SPMIP2: variants seen among roughly 807,000 people sequenced by gnomAD.
The protein encoded by SPMIP2 is sperm microtubule inner protein 2.
At chr4:158,973,052 T>C in the SPMIP2 span, 1 of 1,389,964 alleles carries the variant, frequency 7.2e-7, no homozygotes. Context: ...CAGTATACTA[T>C]GAAAAGCATA....
chr4:158,982,000 C>T, the SPMIP2 span, among the ~76,000 whole-genome samples: 1 of 151,816 alleles, frequency 6.6e-6, no homozygotes, highest in Admixed American at 6.6e-5. Context: ...TGCAAAGACA[C>T]AAATAGGCTC....
the SPMIP2 span, among the ~76,000 whole-genome samples, chr4:158,929,568 C>A: frequency 6.6e-6 from 1 of 152,062 alleles, no homozygotes; most frequent in African/African-American, 2.4e-5. Context: ...TTTTGAGTTA[C>A]TTTCTTAGTG....
chr4:158,959,409 GTT>G, the SPMIP2 span, among the ~76,000 whole-genome samples: 1 of 149,444 alleles, frequency 6.7e-6, no homozygotes, highest in East Asian at 2.0e-4. Flanking sequence ...TATGGTACGT[GTT>G]TAATAAGTTA....
At chr4:158,905,411 G>T in the SPMIP2 span, 1 of 152,112 alleles carries the variant, frequency 6.6e-6, no homozygotes, top group Non-Finnish European at 1.5e-5. Context: ...GTTTCGGTTG[G>T]TAAGTTCTTC....
the SPMIP2 span, among the ~76,000 whole-genome samples, chr4:158,947,736 A>C: frequency 9.9e-5 from 15 of 152,218 alleles, no homozygotes; most frequent in Non-Finnish European, 1.5e-4. Context: ...CGAGAGATGG[A>C]AAAGACGAAA....
the SPMIP2 span, among the ~76,000 whole-genome samples, chr4:159,075,587 G>T: frequency 6.6e-6 from 1 of 152,124 alleles, no homozygotes; most frequent in Non-Finnish European, 1.5e-5. Flanking sequence ...TTTGAATCCT[G>T]TGTGATAATC....
chr4:159,028,634 G>A, the SPMIP2 span, among the ~76,000 whole-genome samples: 1 of 152,106 alleles, frequency 6.6e-6, no homozygotes, highest in African/African-American at 2.4e-5. Context: ...TTCAGCCCAA[G>A]TTTTAAACTT....
chr4:159,067,347 C>T, the SPMIP2 span, among the ~76,000 whole-genome samples: 15 of 152,102 alleles, frequency 9.9e-5, no homozygotes, highest in African/African-American at 2.2e-4. Flanking sequence ...TGGGTTCAAG[C>T]GATTCTGCCT....
At chr4:159,068,902 C>T in the SPMIP2 span, among the ~76,000 whole-genome samples, 1 of 152,088 alleles carries the variant, frequency 6.6e-6, no homozygotes, top group African/African-American at 2.4e-5. Context: ...AAAGTAGATC[C>T]TTTTGGGAGC....
chr4:158,911,484 A>G, the SPMIP2 span, among the ~76,000 whole-genome samples: 2 of 152,210 alleles, frequency 1.3e-5, no homozygotes, highest in Non-Finnish European at 2.9e-5. Context: ...TTCCAGCCAC[A>G]TTGAACCACA....
chr4:158,973,228 T>C, the SPMIP2 span: 1 of 1,613,838 alleles, frequency 6.2e-7, no homozygotes, highest in Non-Finnish European at 8.5e-7. Flanking sequence ...AGATCTCCAG[T>C]TTTTTCTAAC....
chr4:159,033,313 T>C, the SPMIP2 span, among the ~76,000 whole-genome samples: 2 of 151,764 alleles, frequency 1.3e-5, no homozygotes, highest in African/African-American at 4.8e-5. Flanking sequence ...GAGGGGGGAA[T>C]GAATAGGTGA....
chr4:158,897,102 C>G, the SPMIP2 span, among the ~76,000 whole-genome samples: 1 of 151,398 alleles, frequency 6.6e-6, no homozygotes, highest in Non-Finnish European at 1.5e-5. Flanking sequence ...GTTTGGTTTT[C>G]TGTTCCTGTG....
chr4:159,042,847 G>A, the SPMIP2 span, among the ~76,000 whole-genome samples: 2 of 152,144 alleles, frequency 1.3e-5, no homozygotes, highest in African/African-American at 4.8e-5. Context: ...ATTTTTAGTA[G>A]AGACAGAGTT....
the SPMIP2 span, among the ~76,000 whole-genome samples, chr4:159,045,874 T>A: frequency 3.3e-5 from 5 of 152,186 alleles, no homozygotes; most frequent in Admixed American, 2.6e-4. Flanking sequence ...TTCCAGGCTC[T>A]CTCACATGGT....
the SPMIP2 span, among the ~76,000 whole-genome samples, chr4:159,059,153 G>T: frequency 6.6e-6 from 1 of 152,192 alleles, no homozygotes; most frequent in Non-Finnish European, 1.5e-5. Flanking sequence ...GAAGCATGCT[G>T]GTGGTTAGAT....
the SPMIP2 span, among the ~76,000 whole-genome samples, chr4:158,986,893 G>A: frequency 1.6e-3 from 227 of 140,888 alleles, no homozygotes; most frequent in Non-Finnish European, 2.7e-3. Flanking sequence ...CTGACAAAGG[G>A]CTAATATCCA....
the SPMIP2 span, among the ~76,000 whole-genome samples, chr4:158,899,440 G>A: frequency 7.9e-5 from 12 of 152,004 alleles, no homozygotes; most frequent in East Asian, 1.9e-4. Context: ...ACCAGCTCCT[G>A]TACACTCTGG....
chr4:158,910,229 A>ATC, the SPMIP2 span, among the ~76,000 whole-genome samples: 1 of 151,628 alleles, frequency 6.6e-6, no homozygotes, highest in Non-Finnish European at 1.5e-5. Context: ...TAGTAATCAG[A>ATC]TATTTAGTCA....
Sources: allele counts gnomAD v4.1 joint callset (sites outside exome capture counted in the v4.1 genomes callset), GRCh38; gene constraint gnomAD v4.1.1; transcripts MANE v1.5; gene names NCBI Gene and HGNC (gene_info 2026-07-23, HGNC 2026-07-21).